The following SUPT3H variants were observed in gnomAD, a reference collection of about 807,000 sequenced individuals.
The protein encoded by SUPT3H is SPT3 homolog, SAGA and STAGA complex component, also known as transcription initiation protein SPT3 homolog.
In SUPT3H, 44 loss-of-function variants were observed where a neutral mutation model predicts 44.3. The ratio of observed to expected loss-of-function variants is 0.99; its 90% CI spans 0.78 to 1.28. The LOEUF (loss-of-function observed/expected upper bound fraction) is 1.28. Among genes scored for constraint, SUPT3H ranks in the 50% most tolerant of loss-of-function variants. The pLI, the probability that SUPT3H is intolerant of heterozygous loss-of-function variation, is 0.00. For missense variants in SUPT3H, 380 were observed against 387.1 expected (o/e 0.98, Z 0.15); for synonymous variants, 124 against 125.6 (o/e 0.99, Z 0.09).
At chr6:45,100,451 T>C (rs1023172856) in intron 3 of SUPT3H, among the ~76,000 whole-genome samples, 3 of 144,916 alleles carry the variant, frequency 2.1e-5, no homozygotes, top group African/African-American at 7.8e-5. Context: ...CACACACCTG[T>C]AATCCCAGCT....
chr6:45,370,033 G>A (rs991519458), intron 1 of SUPT3H, among the ~76,000 whole-genome samples: 4 of 152,158 alleles, frequency 2.6e-5, no homozygotes, highest in Non-Finnish European at 4.4e-5. Context: ...TGAGTGTAAT[G>A]TGAAGCTATT....
chr6:44,931,244 T>C (rs899117900), intron 10 of SUPT3H, among the ~76,000 whole-genome samples: 2 of 152,198 alleles, frequency 1.3e-5, no homozygotes, highest in African/African-American at 4.8e-5. Context: ...CCCTTTGCTA[T>C]CTTTTAATTG....
chr6:44,828,565 A>G lies in SUPT3H; in HGVS notation c.*1251T>C, dbSNP rs1768059535. Among the ~76,000 whole-genome samples the G allele has an allele frequency of 6.6e-6, 1 of 152,184 alleles. No homozygotes were observed. Among genetic ancestry groups the G allele is most frequent in the African/African-American group, 2.4e-5 (1 of 41,456 alleles). On this transcript the variant is annotated 3_prime_UTR_variant, in exon 11 of 11. Coordinates refer to ENST00000371459, the MANE Select transcript of SUPT3H (RefSeq NM_003599.4). Reference sequence around the variant, plus strand: ...ACAATATAAGAAGGCAGGAAAGCTAATGACATAACCTCTAAATGGCATGTT... The same window carrying G: ...ACAATATAAGAAGGCAGGAAAGCTAGTGACATAACCTCTAAATGGCATGTT...
intron 3 of SUPT3H, among the ~76,000 whole-genome samples, chr6:45,075,003 C>T (rs940561120): frequency 1.3e-5 from 2 of 151,952 alleles, no homozygotes; most frequent in Non-Finnish European, 2.9e-5. Context: ...TTTACTTAAG[C>T]GTTCTAACAC....
intron 10 of SUPT3H, among the ~76,000 whole-genome samples, chr6:44,863,592 C>G (rs1431398100): frequency 2.0e-5 from 3 of 151,982 alleles, no homozygotes; most frequent in Non-Finnish European, 2.9e-5. Flanking sequence ...CTTTGAGGAA[C>G]AGGATAGAGG....
intron 3 of SUPT3H, among the ~76,000 whole-genome samples, chr6:45,040,748 T>C (rs1788405010): frequency 6.6e-6 from 1 of 152,198 alleles, no homozygotes; most frequent in Non-Finnish European, 1.5e-5. Flanking sequence ...TTAACATGTG[T>C]AATTAATTAA....
intron 10 of SUPT3H, among the ~76,000 whole-genome samples, chr6:44,876,556 T>G (rs1005982532): frequency 2.0e-5 from 3 of 146,920 alleles, no homozygotes; most frequent in Non-Finnish European, 4.5e-5. Context: ...TAATGCTAGA[T>G]GATACGTTAG....
At chr6:45,289,150 T>C (rs1055001923) in intron 2 of SUPT3H, among the ~76,000 whole-genome samples, 2 of 152,328 alleles carry the variant, frequency 1.3e-5, no homozygotes, top group African/African-American at 4.8e-5. Context: ...TATTGCACTC[T>C]TATTTGCTTA....
chr6:44,810,520 A>T (rs1347013977), intron 11 of SUPT3H, among the ~76,000 whole-genome samples: 1 of 152,078 alleles, frequency 6.6e-6, no homozygotes, highest in African/African-American at 2.4e-5. Context: ...AGGATATTAA[A>T]GAGGGAGTGT....
chr6:45,044,352 A>G (rs1257405150), intron 3 of SUPT3H, among the ~76,000 whole-genome samples: 1 of 152,172 alleles, frequency 6.6e-6, no homozygotes, highest in Non-Finnish European at 1.5e-5. Flanking sequence ...TTTGAAACTC[A>G]GCTCAGGTTT....
At chr6:45,351,301 A>G (rs1272442398) in intron 2 of SUPT3H, among the ~76,000 whole-genome samples, 1 of 152,070 alleles carries the variant, frequency 6.6e-6, no homozygotes, top group Non-Finnish European at 1.5e-5. Context: ...ATACTAACCC[A>G]TCAAGATCAC....
chr6:45,072,489 G>A (rs918915782), intron 3 of SUPT3H, among the ~76,000 whole-genome samples: 51 of 152,224 alleles, frequency 3.4e-4, no homozygotes, highest in South Asian at 6.2e-4. Context: ...TAAAAGTGGT[G>A]AAGGTAGAAA....
intron 3 of SUPT3H, among the ~76,000 whole-genome samples, chr6:45,032,557 A>G (rs1787104035): frequency 6.6e-6 from 1 of 152,184 alleles, no homozygotes; most frequent in South Asian, 2.1e-4. Flanking sequence ...TCTGGTCACT[A>G]AAACCAAAAT....
At chr6:45,287,840 G>T (rs1032176879) in intron 2 of SUPT3H, among the ~76,000 whole-genome samples, 2 of 152,052 alleles carry the variant, frequency 1.3e-5, no homozygotes, top group African/African-American at 4.8e-5. Flanking sequence ...TGCAACTTCC[G>T]AACTGTAACA....
intron 2 of SUPT3H, among the ~76,000 whole-genome samples, chr6:45,357,552 C>T (rs1472669840): frequency 6.6e-6 from 1 of 152,058 alleles, no homozygotes; most frequent in African/African-American, 2.4e-5. Flanking sequence ...TCTCAAAACT[C>T]CTGGCCTCAA....
intron 2 of SUPT3H, among the ~76,000 whole-genome samples, chr6:45,275,737 G>A (rs1776910920): frequency 6.6e-6 from 1 of 152,056 alleles, no homozygotes; most frequent in Non-Finnish European, 1.5e-5. Flanking sequence ...GGGAAGTTGG[G>A]TGAAGAGAAT....
intron 3 of SUPT3H, among the ~76,000 whole-genome samples, chr6:45,021,303 A>G (rs1785101357): frequency 6.6e-6 from 1 of 151,968 alleles, no homozygotes; most frequent in South Asian, 2.1e-4. Flanking sequence ...CCTTATATCT[A>G]CAAAGTCAAG....
chr6:44,836,455 G>GA (rs1769915152), intron 10 of SUPT3H, among the ~76,000 whole-genome samples: 1 of 151,990 alleles, frequency 6.6e-6, no homozygotes, highest in South Asian at 2.1e-4. Context: ...GGCAGAATGG[G>GA]AAAAAAACAT....
chr6:45,372,824 A>C (rs1395334394), intron 1 of SUPT3H, among the ~76,000 whole-genome samples: 2 of 151,884 alleles, frequency 1.3e-5, no homozygotes, highest in East Asian at 3.9e-4. Context: ...AAGCTCAGCT[A>C]CATTTTTTTT....
Sources: gnomAD v4.1 joint callset for allele counts (sites outside exome capture counted in the v4.1 genomes callset) on GRCh38, gnomAD v4.1.1 for gene constraint, MANE v1.5 for transcripts, NCBI Gene and HGNC (gene_info 2026-07-23, HGNC 2026-07-21) for gene names.